PCDH11X: variants seen among roughly 807,000 people sequenced by gnomAD.
The protein encoded by PCDH11X is protocadherin-11 X-linked.
PCDH11X carries 18 observed loss-of-function variants against 53.3 expected under a neutral mutation model. The ratio of observed to expected loss-of-function variants is 0.34; its 90% CI spans 0.23 to 0.50. The LOEUF (loss-of-function observed/expected upper bound fraction) is 0.50. PCDH11X is among the 20% of genes least tolerant of loss of function. The pLI is 0.98. For synonymous variants in PCDH11X, 279 were observed against 393.3 expected, an observed-to-expected ratio of 0.71 and a Z score of 3.44; for missense variants, 570 against 1,032.4, an observed-to-expected ratio of 0.55 and a Z score of 6.14.
chrX:92,041,794 C>A (rs1042693897), intron 6 of PCDH11X, among the ~76,000 whole-genome samples: 1 of 111,019 alleles, frequency 9.0e-6, no homozygotes, highest in Non-Finnish European at 1.9e-5. Flanking sequence ...CACGGCGAAA[C>A]CCCATCTCTA....
chrX:91,889,952 C>T (rs911622792), intron 6 of PCDH11X, among the ~76,000 whole-genome samples: 1 of 110,514 alleles, frequency 9.0e-6, no homozygotes. Flanking sequence ...TACATTTATA[C>T]ATTTTAGTTG....
At chrX:92,343,549 T>C (rs1279041177) in intron 8 of PCDH11X, among the ~76,000 whole-genome samples, 10 of 110,522 alleles carry the variant, frequency 9.0e-5, no homozygotes, top group Non-Finnish European at 1.9e-4. Context: ...TATAAAGCTA[T>C]ATATCTACGT....
intron 6 of PCDH11X, among the ~76,000 whole-genome samples, chrX:91,927,020 T>C (rs1248372092): frequency 9.0e-6 from 1 of 111,319 alleles, no homozygotes; most frequent in African/African-American, 3.3e-5. Flanking sequence ...TTCTATGAGA[T>C]CAACTTTTTT....
intron 6 of PCDH11X, among the ~76,000 whole-genome samples, chrX:92,134,099 C>T (rs1441309346): frequency 9.0e-6 from 1 of 111,065 alleles, no homozygotes; most frequent in African/African-American, 3.3e-5. Context: ...ACGGAATGCA[C>T]AATTTACAGG....
chrX:92,232,787 G>GCT (rs1244113164), intron 7 of PCDH11X, among the ~76,000 whole-genome samples: 1 of 111,840 alleles, frequency 8.9e-6, no homozygotes, highest in East Asian at 2.8e-4. Context: ...TGCGATCTTG[G>GCT]CTCACTGTAA....
At chrX:92,581,245 T>G (rs1219403496) in intron 10 of PCDH11X, among the ~76,000 whole-genome samples, 1 of 111,921 alleles carries the variant, frequency 8.9e-6, no homozygotes, top group African/African-American at 3.3e-5. Context: ...TGCACCTTTT[T>G]TTAAGTGCAC....
intron 1 of PCDH11X, among the ~76,000 whole-genome samples, chrX:91,804,111 T>C (rs1186731455): frequency 1.8e-5 from 2 of 112,186 alleles, no homozygotes; most frequent in South Asian, 3.6e-4. Flanking sequence ...GCTTAAGCAA[T>C]GTTAACATGA....
At chrX:92,133,789 A>T (rs1265130559) in intron 6 of PCDH11X, among the ~76,000 whole-genome samples, 3 of 112,464 alleles carry the variant, frequency 2.7e-5, no homozygotes, top group African/African-American at 6.5e-5. Flanking sequence ...CTGGAAATGG[A>T]CTGTAAACCA....
At chrX:92,259,396 T>G (rs2067666788) in intron 7 of PCDH11X, among the ~76,000 whole-genome samples, 1 of 111,247 alleles carries the variant, frequency 9.0e-6, no homozygotes, top group Non-Finnish European at 1.9e-5. Flanking sequence ...CTCAGGAAAC[T>G]TACAATCATG....
At chrX:92,090,373 G>T (rs2148117733) in intron 6 of PCDH11X, among the ~76,000 whole-genome samples, 1 of 109,786 alleles carries the variant, frequency 9.1e-6, no homozygotes, top group African/African-American at 3.3e-5. Flanking sequence ...TTGTAAAAGT[G>T]GGTTCCAAAA....
chrX:92,388,564 T>C, intron 9 of PCDH11X, among the ~76,000 whole-genome samples: 1 of 108,272 alleles, frequency 9.2e-6, no homozygotes, highest in Non-Finnish European at 1.9e-5. Context: ...TTTCATTAAA[T>C]GTATTATCTT....
At chrX:91,869,784 AT>A (rs1227776549) in intron 5 of PCDH11X, among the ~76,000 whole-genome samples, 2 of 111,654 alleles carry the variant, frequency 1.8e-5, no homozygotes, top group African/African-American at 6.5e-5. Context: ...TTTGCATAAT[AT>A]TAAAGAGTTT....
At chrX:91,892,894 C>T (rs776606367) in intron 6 of PCDH11X, among the ~76,000 whole-genome samples, 4 of 109,870 alleles carry the variant, frequency 3.6e-5, no homozygotes, top group African/African-American at 1.3e-4. Flanking sequence ...TCAAGTGATC[C>T]GCCCGCCTCA....
intron 7 of PCDH11X, among the ~76,000 whole-genome samples, chrX:92,209,704 C>A (rs748734011): frequency 3.5e-4 from 39 of 112,486 alleles, no homozygotes; most frequent in Non-Finnish European, 6.4e-4. Flanking sequence ...AGGCAGTACC[C>A]CAGTGGGGAC....
intron 5 of PCDH11X, among the ~76,000 whole-genome samples, chrX:91,855,831 T>C (rs1938300365): frequency 8.9e-6 from 1 of 111,834 alleles, no homozygotes; most frequent in Non-Finnish European, 1.9e-5. Context: ...GTGGTATTGA[T>C]TTTTGTATGT....
intron 6 of PCDH11X, among the ~76,000 whole-genome samples, chrX:91,964,462 G>T (rs1485384707): frequency 9.0e-6 from 1 of 111,187 alleles, no homozygotes; most frequent in Non-Finnish European, 1.9e-5. Context: ...CAGCTAGAAA[G>T]AATGCATGTC....
At position 92,620,985 on chromosome X, in the gene PCDH11X, C is replaced by T. The variant is rs1406273114; in HGVS notation, c.*2045C>T. On this transcript the variant is annotated 3_prime_UTR_variant, in exon 11 of 11. Coordinates refer to ENST00000682573, the MANE Select transcript of PCDH11X (RefSeq NM_032968.5). ...AACTTGGGGAAGATTAAGAAAAGAA[C>T]CAATAGTGACAAAAATCAGTGCTTC... is the stretch of plus-strand genomic sequence containing the variant. 2 of 107,559 alleles carry T rather than the reference C, an allele frequency of 1.9e-5. No individual in the cohort carries two copies. Among genetic ancestry groups the T allele is most frequent in the Admixed American group, 2.0e-4 (2 of 9,862 alleles). 8.9% of individuals were successfully genotyped at this position (107,559 alleles called of 1,213,427 possible). A position where few individuals can be genotyped will look rare whatever the true frequency, so the allele number is the denominator to read the frequency against.
At chrX:91,920,308 G>A (rs1395856117) in intron 6 of PCDH11X, among the ~76,000 whole-genome samples, 1 of 110,357 alleles carries the variant, frequency 9.1e-6, no homozygotes, top group Admixed American at 9.7e-5. Flanking sequence ...TAGATGTTCT[G>A]TGCAATGGTG....
At chrX:92,586,759 T>C (rs190480620) in intron 10 of PCDH11X, among the ~76,000 whole-genome samples, 63 of 111,425 alleles carry the variant, frequency 5.7e-4, no homozygotes, top group African/African-American at 2.0e-3. Flanking sequence ...CATGAATAGA[T>C]TGAAGTTATC....
Sources: gnomAD v4.1 joint callset for allele counts (sites outside exome capture counted in the v4.1 genomes callset) on GRCh38, gnomAD v4.1.1 for gene constraint, MANE v1.5 for transcripts, NCBI Gene and HGNC (gene_info 2026-07-23, HGNC 2026-07-21) for gene names.